Variants in CST9L observed in about 807,000 individuals in gnomAD.
CST9L encodes cystatin 9 like, also known as cystatin-9-like.
A neutral mutation model predicts 13.2 loss-of-function variants in CST9L; 17 were observed. That is an observed-to-expected ratio of 1.29 (90% CI 0.88 to 1.93). CST9L has a LOEUF of 1.93. CST9L is among the 30% of genes most tolerant of loss of function. CST9L has a pLI of 0.00. For synonymous variants in CST9L, 78 were observed against 69.1 expected, an observed-to-expected ratio of 1.13 and a Z score of -0.64; for missense variants, 170 against 170.5, an observed-to-expected ratio of 1.00 and a Z score of 0.02.
Position 23,566,061 on chromosome 20 carries a change from C to T in CST9L, c.267G>A (p.Met89Ile), listed in dbSNP as rs754292265. ...ACCTAGTTCTCCCCAGCAGTAGCTC[C>T]ATTGAGAATACAGTCTTGGACTCCA... ...EQVESKTVFS[M>I]ELLLGRTRCG... is the part of the protein sequence containing the mutation. The change falls in exon 2 of 3, where the codon ATG (methionine) becomes ATA (isoleucine). Residue 89 changes from methionine (M) to isoleucine (I), a missense_variant. By Grantham distance (10) the Met-to-Ile change is conservative. Transcript: ENST00000376979. The T allele has an allele frequency of 1.2e-6, 2 of 1,605,912 alleles. No homozygotes were observed. The highest frequency in any genetic ancestry group is 1.7e-6 in the Non-Finnish European group (2 of 1,172,470).
chr20:23,568,016 A>T (rs1259040013), intron 1 of CST9L, among the ~76,000 whole-genome samples, 195 bp downstream of exon 1: 1 of 152,196 alleles, frequency 6.6e-6, no homozygotes, highest in East Asian at 1.9e-4. Flanking sequence ...GTTGATTAGG[A>T]TCAAATTATT....
intron 2 of CST9L, 74 bp downstream of exon 2, chr20:23,565,900 G>A: frequency 2.4e-6 from 2 of 846,206 alleles, no homozygotes; most frequent in Non-Finnish European, 4.2e-6. Context: ...TTTGTCAGTT[G>A]CACCTGTGCC....
Position 23,568,318 on chromosome 20 carries a change from G to T in CST9L, c.133C>A (p.Arg45Ser), listed in dbSNP as rs774548597. ...AACTCCACTGTGGCAGGGAGGTAACGAGCCATGACATTGTGTTCATCACAG... is the reference window on the plus strand; with the variant it reads ...AACTCCACTGTGGCAGGGAGGTAACTAGCCATGACATTGTGTTCATCACAG... ...RDCDEHNVMARYLPATVEFAV... is the reference protein window; with the variant it reads ...RDCDEHNVMASYLPATVEFAV... Residue 45 changes from arginine (R) to serine (S), a missense_variant, in exon 1 of 3, where the codon CGT becomes AGT. Coordinates refer to ENST00000376979, the MANE Select transcript of CST9L (RefSeq NM_080610.3). 6.2e-7 allele frequency: 1 copy of T among 1,614,172 alleles called. No homozygotes were observed. The highest frequency in any genetic ancestry group is 2.2e-5 in the East Asian group (1 of 44,876).
intron 1 of CST9L, 87 bp downstream of exon 1, chr20:23,568,124 A>G (rs1600332193): frequency 7.1e-7 from 1 of 1,409,838 alleles, no homozygotes; most frequent in South Asian, 1.2e-5. Context: ...AGACTCTTCA[A>G]TAAGACCCCC....
Position 23,565,995 on chromosome 20 carries a change from T to C in CST9L, c.333A>G (p.Gln111=), listed in dbSNP as rs778983947. The stretch of plus-strand genomic sequence containing the variant: ...TTACATTGTTCAGCTCTGTGCTTTC[T>C]TGGAAATGGCAGTTGTCAATGTCGT... The part of the protein sequence containing the change: ...FEDDIDNCHF[Q]ESTELNNTFT... The change falls in exon 2 of 3, where the codon CAA becomes CAG. Residue 111 remains glutamine (Q), a synonymous_variant. Transcript: ENST00000376979. 33 of 1,598,236 alleles carry C rather than the reference T, an allele frequency of 2.1e-5. No homozygotes were observed. The highest frequency in any genetic ancestry group is 2.7e-5 in the Non-Finnish European group (32 of 1,165,544).
At chr20:23,567,470 T>C (rs1339588887) in intron 1 of CST9L, among the ~76,000 whole-genome samples, 1 of 143,954 alleles carries the variant, frequency 6.9e-6, no homozygotes, top group East Asian at 2.0e-4. Flanking sequence ...ATGACGCCAC[T>C]GTACTCTAGC....
intron 1 of CST9L, among the ~76,000 whole-genome samples, chr20:23,566,643 T>C (rs1202880257): frequency 6.6e-6 from 1 of 152,130 alleles, no homozygotes; most frequent in African/African-American, 2.4e-5. Context: ...CCCAGCACTT[T>C]TGGAGGCTGG....
At chr20:23,566,131 G>A in intron 1 of CST9L, 44 bp from the exon 2 acceptor site, 1 of 1,070,432 alleles carries the variant, frequency 9.3e-7, no homozygotes, top group Non-Finnish European at 1.5e-6. Context: ...CCTCCTTGTT[G>A]CCCCTAAGTA....
rs762660726 is a variant in CST9L, at chr20:23,566,023, T to G, written c.305A>C (p.Glu102Ala). The change falls in exon 2 of 3, where the codon GAA (glutamate) becomes GCA (alanine). Residue 102 changes from glutamate to alanine, a missense_variant. Glu to Ala is a moderately radical substitution (Grantham distance 107, BLOSUM62 -1). Transcript: ENST00000376979. ...LLGRTRCGKF[E>A]DDIDNCHFQE... ...GAAATGGCAGTTGTCAATGTCGTCT[T>G]CAAATTTCCCACACCTAGTTCTCCC... 3.1e-6 allele frequency: 5 copies of G among 1,612,182 alleles called. No homozygotes were observed. In the Admixed American group the frequency reaches 8.3e-5, roughly 27 times the overall value.
Position 23,568,265 on chromosome 20 carries a change from G to C in CST9L, c.186C>G (p.Ser62Arg). ...CCAGTCTGTAGGCATAGTAGTCCTT[G>C]CTCTGTTGGTTGAATGTGTGGACAG... ...EFAVHTFNQQ[S>R]KDYYAYRLGH... Residue 62 changes from serine (S) to arginine (R), a missense_variant, in exon 1 of 3, where the codon AGC (serine) becomes AGG (arginine). Transcript: ENST00000376979. 6.2e-7 allele frequency: 1 copy of C among 1,614,142 alleles called. No homozygotes were observed.
intron 1 of CST9L, among the ~76,000 whole-genome samples, chr20:23,566,966 AC>A (rs1350761918): frequency 6.6e-6 from 1 of 152,148 alleles, no homozygotes; most frequent in Non-Finnish European, 1.5e-5. Flanking sequence ...TTTCAGTTTC[AC>A]TTCATTCCAT....
At chr20:23,565,204 C>T (rs542448733) in intron 2 of CST9L, among the ~76,000 whole-genome samples, 167 bp from the exon 3 acceptor site, 2 of 152,272 alleles carry the variant, frequency 1.3e-5, no homozygotes, top group East Asian at 3.9e-4. Flanking sequence ...GAGTCCTGGG[C>T]TGTTCTGGAG....
At chr20:23,566,156 T>C (rs1989093226) in intron 1 of CST9L, 69 bp from the exon 2 acceptor site, 2 of 889,776 alleles carry the variant, frequency 2.2e-6, no homozygotes, top group Non-Finnish European at 3.8e-6. Context: ...CTGGTGAAGA[T>C]GTCATTTGTG....
intron 1 of CST9L, among the ~76,000 whole-genome samples, chr20:23,566,491 G>T (rs566392321): frequency 6.6e-6 from 1 of 151,944 alleles, no homozygotes; most frequent in Admixed American, 6.6e-5. Flanking sequence ...AGGGCATGTT[G>T]TCAAACCTTC....
In CST9L at chr20:23,566,888, A is replaced by AAAAG. The variant is rs562207826; in HGVS notation, c.241-805_241-802dup. Among the ~76,000 whole-genome samples, 490 of 152,146 alleles carry AAAAG rather than the reference A, an allele frequency of 3.2e-3. 8 individuals are homozygous for AAAAG. Among genetic ancestry groups the AAAAG allele is most frequent in the African/African-American group, 0.01 (419 of 41,528 alleles). ...GGTTGACAGGGTGAGACTCCATATCAAAAGAAAGAAAGAAAGAAAGAAACA... is the reference window on the plus strand; with the variant it reads ...GGTTGACAGGGTGAGACTCCATATCAAAAGAAAGAAAGAAAGAAAGAAAGAAACA... On this transcript the variant is annotated intron_variant, in intron 1 of 2. Coordinates refer to ENST00000376979, the MANE Select transcript of CST9L (RefSeq NM_080610.3).
intron 1 of CST9L, among the ~76,000 whole-genome samples, chr20:23,567,672 T>C (rs1989117119): frequency 6.6e-6 from 1 of 152,124 alleles, no homozygotes; most frequent in Non-Finnish European, 1.5e-5. Context: ...TGAAACAGTC[T>C]TCAGTTTATT....
chr20:23,566,894 A>C (rs1989104981), intron 1 of CST9L, among the ~76,000 whole-genome samples: 1 of 152,100 alleles, frequency 6.6e-6, no homozygotes, highest in South Asian at 2.1e-4. Flanking sequence ...TATCAAAAGA[A>C]AGAAAGAAAG....
chr20:23,566,486 A>G (rs1426825707), intron 1 of CST9L, among the ~76,000 whole-genome samples: 1 of 152,092 alleles, frequency 6.6e-6, no homozygotes, highest in Non-Finnish European at 1.5e-5. Flanking sequence ...CATCTAGGGC[A>G]TGTTGTCAAA....
intron 1 of CST9L, among the ~76,000 whole-genome samples, chr20:23,567,507 CAAA>C (rs11470332): frequency 0.01 from 1,119 of 110,578 alleles, 8 homozygotes; most frequent in Admixed American, 0.013. Context: ...GATTCCATCT[CAAA>C]AAAAAAAAAA....
Sources: gnomAD v4.1 joint callset for allele counts (sites outside exome capture counted in the v4.1 genomes callset) on GRCh38, gnomAD v4.1.1 for gene constraint, MANE v1.5 for transcripts, NCBI Gene and HGNC (gene_info 2026-07-23, HGNC 2026-07-21) for gene names.